The following ZNF230 variants were observed in gnomAD, a reference collection of about 807,000 sequenced individuals.
The protein encoded by ZNF230 is zinc finger protein 230.
ZNF230 carries 12 observed loss-of-function variants against 10.0 expected under a neutral mutation model. That is an observed-to-expected ratio of 1.20 (90% CI 0.77 to 1.95). The LOEUF is 1.95. Among genes scored for constraint, ZNF230 ranks in the 30% most tolerant of loss-of-function variants. ZNF230 has a pLI of 0.00. For synonymous variants in ZNF230, 174 were observed against 193.6 expected, an observed-to-expected ratio of 0.90 and a Z score of 0.84; for missense variants, 532 against 565.8, an observed-to-expected ratio of 0.94 and a Z score of 0.61.
Position 44,011,678 on chromosome 19 carries a change from C to A in ZNF230, c.*214C>A. The A allele has an allele frequency of 2.0e-6, 1 of 512,726 alleles. No individual in the cohort carries two copies. The highest frequency in any genetic ancestry group is 3.3e-6 in the Non-Finnish European group (1 of 299,250). 31.8% of individuals were successfully genotyped at this position (512,726 alleles called of 1,614,324 possible). A position where few individuals can be genotyped will look rare whatever the true frequency, so the allele number is the denominator to read the frequency against. On this transcript the variant is annotated 3_prime_UTR_variant, in exon 5 of 5. Transcript: ENST00000429154. ...TGCTTTAGAACACTAGAATGTATTT[C>A]TCCTATCTAGCAGTACTTATGTATC...
At chr19:44,006,054 T>G (rs1387063882) in intron 1 of ZNF230, among the ~76,000 whole-genome samples, 7 of 151,072 alleles carry the variant, frequency 4.6e-5, no homozygotes, top group African/African-American at 1.7e-4. Context: ...ATGGTGGTTT[T>G]TTTTTTAATA....
chr19:44,013,266 T>C lies in ZNF230; in HGVS notation c.*1802T>C, dbSNP rs1049595564. 7 of 152,196 alleles carry C rather than the reference T, an allele frequency of 4.6e-5. No individual in the cohort carries two copies. Among genetic ancestry groups the C allele is most frequent in the Admixed American group, 4.6e-4 (7 of 15,288 alleles). 9.4% of individuals were successfully genotyped at this position (152,196 alleles called of 1,614,324 possible). On this transcript the variant is annotated 3_prime_UTR_variant, in exon 5 of 5. Coordinates refer to ENST00000429154, the MANE Select transcript of ZNF230 (RefSeq NM_006300.4). ...AATTTTTGGAAACCTAACCTAATAT[T>C]CTCTTCCTATCTCTATGAAATACCA...
At chr19:44,009,280 C>T in intron 4 of ZNF230, 110 bp downstream of exon 4, 1 of 1,233,552 alleles carries the variant, frequency 8.1e-7, no homozygotes, top group South Asian at 1.4e-5. Context: ...AATCTCTTTC[C>T]TGGTTTATTA....
chr19:44,011,442 CATT>C lies in ZNF230; in HGVS notation c.1407_1409del (p.Leu469del), dbSNP rs776556617. The stretch of plus-strand genomic sequence containing the variant: ...CGCTTGAATCTGGATATAATTTTAT[CATT>C]ATTTTTAAATGATATGTAAGTTGTA... On this transcript the variant is annotated inframe_deletion, in exon 5 of 5. Coordinates refer to ENST00000429154, the MANE Select transcript of ZNF230 (RefSeq NM_006300.4). 6.5e-5 allele frequency: 104 copies of C among 1,592,448 alleles called. No individual in the cohort carries two copies. Among genetic ancestry groups the C allele is most frequent in the Non-Finnish European group, 8.4e-5 (99 of 1,172,218 alleles).
Position 44,012,611 on chromosome 19 carries a change from T to C in ZNF230, c.*1147T>C. 2.4e-6 allele frequency: 1 copy of C among 410,676 alleles called. No individual in the cohort carries two copies. Among genetic ancestry groups the C allele is most frequent in the Admixed American group, 3.1e-5 (1 of 32,406 alleles). The allele number at this position is 410,676 out of a possible 1,614,324, so 25.4% of individuals were successfully genotyped here. A position where few individuals can be genotyped will look rare whatever the true frequency, so the allele number is the denominator to read the frequency against. ...ATTTACAAAACCCTAATGATGAACA[T>C]GTCAAAAGTGGTGACCACTAGAATG... On this transcript the variant is annotated 3_prime_UTR_variant, in exon 5 of 5. Coordinates refer to ENST00000429154, the MANE Select transcript of ZNF230 (RefSeq NM_006300.4).
chr19:44,012,291 T>C lies in ZNF230; in HGVS notation c.*827T>C, dbSNP rs1976194073. ...AGTCTCTGCTCAGTTGTCTATAATCTCATTTGAGAGTTCACAAAGGGGCAA... is the reference window on the plus strand; with the variant it reads ...AGTCTCTGCTCAGTTGTCTATAATCCCATTTGAGAGTTCACAAAGGGGCAA... On this transcript the variant is annotated 3_prime_UTR_variant, in exon 5 of 5. Coordinates refer to ENST00000429154, the MANE Select transcript of ZNF230 (RefSeq NM_006300.4). The C allele has an allele frequency of 6.5e-6, 3 of 463,798 alleles. No individual in the cohort carries two copies. Among genetic ancestry groups the C allele is most frequent in the Non-Finnish European group, 1.3e-5 (3 of 234,542 alleles). The allele number at this position is 463,798 out of a possible 1,614,324, so 28.7% of individuals were successfully genotyped here. A position where few individuals can be genotyped will look rare whatever the true frequency, so the allele number is the denominator to read the frequency against.
At chr19:44,003,352 G>A (rs1385833309) in intron 1 of ZNF230, 2 of 152,130 alleles carry the variant, frequency 1.3e-5, no homozygotes, top group African/African-American at 2.4e-5. Context: ...TTTTGGTAAT[G>A]GGGACATTAG....
At chr19:44,008,311 C>T (rs1296882805) in intron 2 of ZNF230, among the ~76,000 whole-genome samples, 2 of 152,182 alleles carry the variant, frequency 1.3e-5, no homozygotes, top group African/African-American at 4.8e-5. Flanking sequence ...TTCTTGAGAC[C>T]TATAAACAAG....
At position 44,005,660 on chromosome 19, in the gene ZNF230, G is replaced by A. The variant is rs149798598; in HGVS notation, c.-68-1351G>A. The stretch of plus-strand genomic sequence containing the variant: ...TCCCAGCATTTTGGGAGGCAACGGC[G>A]GGTGGATCTCCTGAGGTCAGGAGTT... On this transcript the variant is annotated intron_variant, in intron 1 of 4. Transcript: ENST00000429154. Among the ~76,000 whole-genome samples the A allele has an allele frequency of 1.7e-3, 252 of 152,192 alleles. 1 individual carries two copies. The highest frequency in any genetic ancestry group is 4.2e-3 in the African/African-American group (175 of 41,514).
intron 4 of ZNF230, among the ~76,000 whole-genome samples, chr19:44,009,570 T>C (rs1976154887): frequency 6.6e-6 from 1 of 152,218 alleles, no homozygotes; most frequent in African/African-American, 2.4e-5. Flanking sequence ...TGTTACTCTG[T>C]CCTGTCATGG....
At chr19:44,004,113 G>A (rs932514172) in intron 1 of ZNF230, 2 of 152,172 alleles carry the variant, frequency 1.3e-5, no homozygotes, top group Non-Finnish European at 2.9e-5. Context: ...TGAGAGCAAG[G>A]CTCGTGGGCT....
chr19:44,010,284 C>T lies in ZNF230; in HGVS notation c.245C>T (p.Ala82Val), dbSNP rs75657250. The T allele has an allele frequency of 2.1e-3, 3,426 of 1,606,960 alleles. 67 individuals carry two copies. The African/African-American group carries it at 0.041, about 19-fold the overall frequency. The change falls in exon 5 of 5, where the codon GCG becomes GTG. Residue 82 changes from alanine to valine, a missense_variant. Ala to Val is a moderately conservative substitution (Grantham distance 64). Transcript: ENST00000429154. ...GTCCTTATAGGCGGCAAGACTATTG[C>T]GGAAGCAGGACCACATGAAGACTGC... ...REGNSGGKTI[A>V]EAGPHEDCPC...
intron 2 of ZNF230, 77 bp from the exon 3 acceptor site, chr19:44,008,713 C>A: frequency 6.5e-7 from 1 of 1,537,514 alleles, no homozygotes; most frequent in Non-Finnish European, 8.8e-7. Flanking sequence ...CACTTCTCCT[C>A]TCCGCCTGCT....
intron 1 of ZNF230, chr19:44,004,101 G>C (rs1187864381): frequency 6.6e-6 from 1 of 152,232 alleles, no homozygotes. Context: ...TTGAAAGGAC[G>C]TTGAGAGCAA....
Position 44,011,141 on chromosome 19 carries a change from G to T in ZNF230, c.1102G>T (p.Glu368Ter). 6.2e-7 allele frequency: 1 copy of T among 1,614,230 alleles called. No homozygotes were observed. Among genetic ancestry groups the T allele is most frequent in the Non-Finnish European group, 8.5e-7 (1 of 1,180,024 alleles). ...HSGEKPYRCEECGKGYISKSG... is the reference protein window; with the variant it reads ...HSGEKPYRCE ...TGGAGAAAAACCATACAGATGTGAGGAGTGTGGGAAGGGCTACATTAGTAA... is the reference window on the plus strand; with the variant it reads ...TGGAGAAAAACCATACAGATGTGAGTAGTGTGGGAAGGGCTACATTAGTAA... The change falls in exon 5 of 5, where the codon GAG (glutamate) becomes TAG (stop). Residue 368 changes from glutamate to a stop codon, truncating the protein, a stop_gained. Coordinates refer to ENST00000429154, the MANE Select transcript of ZNF230 (RefSeq NM_006300.4). LOFTEE classifies it low-confidence loss of function (END_TRUNC).
intron 1 of ZNF230, chr19:44,004,027 G>C (rs1976096078): frequency 6.6e-6 from 1 of 152,190 alleles, no homozygotes; most frequent in Admixed American, 6.5e-5. Context: ...ATCACCTCTT[G>C]GATACATTCT....
chr19:44,009,314 C>A, intron 4 of ZNF230, 144 bp downstream of exon 4: 1 of 877,006 alleles, frequency 1.1e-6, no homozygotes, highest in Non-Finnish European at 1.7e-6. Context: ...GCTGGTGGTC[C>A]TGTTCCCTCC....
At position 44,011,566 on chromosome 19, in the gene ZNF230, T is replaced by A. The variant is rs1432419538; in HGVS notation, c.*102T>A. 1 of 1,233,952 alleles carries A rather than the reference T, an allele frequency of 8.1e-7. No homozygotes were observed. The highest frequency in any genetic ancestry group is 1.1e-6 in the Non-Finnish European group (1 of 906,208). 76.4% of individuals were successfully genotyped at this position (1,233,952 alleles called of 1,614,324 possible). A position where few individuals can be genotyped will look rare whatever the true frequency, so the allele number is the denominator to read the frequency against. On this transcript the variant is annotated 3_prime_UTR_variant, in exon 5 of 5. Transcript: ENST00000429154. ...AGTGTATTACCTTAAACAATTAACA[T>A]TTCTTTGTTTTGGGAAAATTCAAAA...
chr19:44,009,245 T>C, intron 4 of ZNF230, 75 bp downstream of exon 4: 1 of 1,483,848 alleles, frequency 6.7e-7, no homozygotes, highest in Non-Finnish European at 9.3e-7. Context: ...CATGCCCACT[T>C]ATATCACCCT....
Sources: gnomAD v4.1 joint callset for allele counts (sites outside exome capture counted in the v4.1 genomes callset) on GRCh38, gnomAD v4.1.1 for gene constraint, MANE v1.5 for transcripts, NCBI Gene and HGNC (gene_info 2026-07-23, HGNC 2026-07-21) for gene names.